Variants in STXBP4 observed in about 807,000 individuals in gnomAD.
STXBP4 encodes the protein syntaxin-binding protein 4.
Under a neutral mutation model 76.1 loss-of-function variants are expected in STXBP4, and 55 were observed. The ratio of observed to expected loss-of-function variants is 0.72; its 90% CI spans 0.58 to 0.91. STXBP4 has a LOEUF of 0.91. STXBP4 is among the 40% of genes least tolerant of loss of function. The pLI is 0.00. For synonymous variants in STXBP4, 201 were observed against 220.2 expected, an observed-to-expected ratio of 0.91 and a Z score of 0.77; for missense variants, 618 against 636.9, an observed-to-expected ratio of 0.97 and a Z score of 0.32.
At chr17:55,073,148 C>T in intron 13 of STXBP4, 72 bp downstream of exon 13, 1 of 1,419,918 alleles carries the variant, frequency 7.0e-7, no homozygotes, top group Non-Finnish European at 9.8e-7. Flanking sequence ...TTTTCATTTT[C>T]TTTTCATCTG....
At chr17:55,114,470 G>A (rs1485647042) in intron 16 of STXBP4, among the ~76,000 whole-genome samples, 5 of 152,010 alleles carry the variant, frequency 3.3e-5, no homozygotes, top group Non-Finnish European at 7.4e-5. Context: ...ATAATCAAAT[G>A]ACTGGATGGG....
At chr17:55,064,930 T>G (rs192379558) in intron 12 of STXBP4, among the ~76,000 whole-genome samples, 8 of 152,382 alleles carry the variant, frequency 5.2e-5, no homozygotes, top group Admixed American at 5.2e-4. Context: ...AATATCTTTC[T>G]TTAATTCATC....
intron 16 of STXBP4, among the ~76,000 whole-genome samples, chr17:55,134,166 G>C (rs171510): frequency 6.6e-6 from 1 of 151,596 alleles, no homozygotes; most frequent in East Asian, 1.9e-4. Flanking sequence ...AGAGAAAAGC[G>C]GAGTGTGTGA....
chr17:55,098,980 G>A (rs2079530586), intron 16 of STXBP4, among the ~76,000 whole-genome samples: 1 of 152,098 alleles, frequency 6.6e-6, no homozygotes, highest in Non-Finnish European at 1.5e-5. Flanking sequence ...TATCTGTTTA[G>A]TAAGCACATT....
downstream of STXBP4, among the ~76,000 whole-genome samples, chr17:55,173,849 T>G (rs1439854597): frequency 6.6e-6 from 1 of 152,240 alleles, no homozygotes; most frequent in East Asian, 1.9e-4. Flanking sequence ...GTTGTATTTC[T>G]TTCTGGTGGC....
Position 55,159,880 on chromosome 17 carries a change from G to A in STXBP4, c.1631G>A (p.Cys544Tyr). 6.2e-7 allele frequency: 1 copy of A among 1,613,548 alleles called. No individual in the cohort carries two copies. Among genetic ancestry groups the A allele is most frequent in the Non-Finnish European group, 8.5e-7 (1 of 1,179,610 alleles). Reference sequence around the variant, plus strand: ...CGCTCAGAGGAGAATGAAGAGGATTGCTCTAGAGAACTCCCCAACCAGAAA... The same window carrying A: ...CGCTCAGAGGAGAATGAAGAGGATTACTCTAGAGAACTCCCCAACCAGAAA... ...LSRSEENEED[C>Y]SRELPNQKS Residue 544 changes from cysteine to tyrosine, a missense_variant, in exon 18 of 18, where the codon TGC becomes TAC. Coordinates refer to ENST00000376352, the MANE Select transcript of STXBP4 (RefSeq NM_178509.6).
At chr17:54,990,041 C>T (rs961598749) in intron 3 of STXBP4, among the ~76,000 whole-genome samples, 6 of 152,162 alleles carry the variant, frequency 3.9e-5, no homozygotes, top group Admixed American at 1.3e-4. Flanking sequence ...TCTTTTCCGT[C>T]GCCTTTAATA....
intron 12 of STXBP4, among the ~76,000 whole-genome samples, chr17:55,053,425 T>C (rs1038500215): frequency 5.3e-5 from 8 of 152,104 alleles, no homozygotes; most frequent in Non-Finnish European, 7.4e-5. Flanking sequence ...TGAATAAATA[T>C]GTGAGCGAGA....
rs78765232 is a variant in STXBP4 at position 55,148,975 on chromosome 17, G to A, written c.1547+7608G>A. On this transcript the variant is annotated intron_variant, in intron 17 of 17. Transcript: ENST00000376352. ...AAGGCTCACTGGATGAGGTGTCAGG[G>A]CAATTTCTATGCAACTTCAGACTAG... is the stretch of plus-strand genomic sequence containing the variant. 2.6e-4 allele frequency among the ~76,000 whole-genome samples: 40 copies of A among 152,256 alleles called. No homozygotes were observed. In the East Asian group the frequency reaches 5.8e-3, roughly 22 times the overall value.
the STXBP4 span, among the ~76,000 whole-genome samples, chr17:55,194,520 G>T: frequency 6.6e-6 from 1 of 152,126 alleles, no homozygotes; most frequent in African/African-American, 2.4e-5. Context: ...GCATGGAACC[G>T]GTCTAAATAT....
chr17:55,132,191 ATTG>A (rs948517192), intron 16 of STXBP4, among the ~76,000 whole-genome samples: 2 of 152,088 alleles, frequency 1.3e-5, no homozygotes, highest in African/African-American at 4.8e-5. Flanking sequence ...CAATTATCTT[ATTG>A]TTATTATTAT....
chr17:54,979,182 G>C (rs902392824), intron 1 of STXBP4, among the ~76,000 whole-genome samples: 2 of 152,080 alleles, frequency 1.3e-5, no homozygotes, highest in African/African-American at 4.8e-5. Flanking sequence ...TTCCCCAGGT[G>C]CCCCTCAAAA....
chr17:55,213,148 C>T, the STXBP4 span, among the ~76,000 whole-genome samples: 1 of 152,094 alleles, frequency 6.6e-6, no homozygotes, highest in East Asian at 1.9e-4. Flanking sequence ...TGCCCCCCAT[C>T]GACAGCAGAT....
intron 17 of STXBP4, among the ~76,000 whole-genome samples, chr17:55,144,664 G>C (rs1242298540): frequency 6.6e-6 from 1 of 152,168 alleles, no homozygotes; most frequent in South Asian, 2.1e-4. Context: ...TGAACTGCTT[G>C]TAAATAGCCT....
Position 55,172,741 on chromosome 17 carries a change from T to C in STXBP4, c.*12830T>C, listed in dbSNP as rs1192574105. On this transcript the variant is annotated 3_prime_UTR_variant, in exon 18 of 18. Coordinates refer to ENST00000376352, the MANE Select transcript of STXBP4 (RefSeq NM_178509.6). ...AAAAAACTAAGGCTCGGATGAGTTA[T>C]GTGACTTCCCTGAGTCATGTTAGAG... is the stretch of plus-strand genomic sequence containing the variant. 1 of 152,200 alleles carries C rather than the reference T, an allele frequency of 6.6e-6. No homozygotes were observed. Among genetic ancestry groups the C allele is most frequent in the Admixed American group, 6.5e-5 (1 of 15,278 alleles). 9.4% of individuals were successfully genotyped at this position (152,200 alleles called of 1,614,324 possible).
chr17:55,043,088 C>T (rs1040641046), intron 10 of STXBP4, 148 bp from the exon 11 acceptor site: 55 of 397,106 alleles, frequency 1.4e-4, no homozygotes, highest in Admixed American at 3.1e-4. Flanking sequence ...TTAATATCCC[C>T]TTTATCTAAT....
the STXBP4 span, among the ~76,000 whole-genome samples, chr17:55,196,445 T>C: frequency 6.6e-6 from 1 of 152,228 alleles, no homozygotes; most frequent in Admixed American, 6.5e-5. Context: ...TAAAATTTTC[T>C]ATTCAACCCT....
chr17:55,134,512 A>G (rs900029251), intron 16 of STXBP4, among the ~76,000 whole-genome samples: 3 of 152,174 alleles, frequency 2.0e-5, no homozygotes, highest in Admixed American at 6.5e-5. Context: ...ACAATTATAT[A>G]TAACTTCAGA....
At chr17:54,976,042 A>C (rs983064625) in intron 1 of STXBP4, among the ~76,000 whole-genome samples, 2 of 152,224 alleles carry the variant, frequency 1.3e-5, no homozygotes, top group Non-Finnish European at 2.9e-5. Flanking sequence ...GAATGTAAAT[A>C]CCAAAAGAGC....
Sources: gnomAD v4.1 joint callset for allele counts (sites outside exome capture counted in the v4.1 genomes callset) on GRCh38, gnomAD v4.1.1 for gene constraint, MANE v1.5 for transcripts, NCBI Gene and HGNC (gene_info 2026-07-23, HGNC 2026-07-21) for gene names.